HCRTR2: variants seen among roughly 807,000 people sequenced by gnomAD.
HCRTR2 encodes hypocretin receptor 2, also known as orexin receptor type 2.
A neutral mutation model predicts 49.0 loss-of-function variants in HCRTR2; 22 were observed. That is an observed-to-expected ratio of 0.45 (90% CI 0.32 to 0.64). The LOEUF (loss-of-function observed/expected upper bound fraction) is 0.64, where lower values mean the gene tolerates loss of function less well. Ranked by LOEUF, HCRTR2 falls within the 30% of genes least tolerant of loss-of-function variation. HCRTR2 has a pLI of 0.04. For missense variants in HCRTR2, 491 were observed against 559.4 expected, an observed-to-expected ratio of 0.88 and a Z score of 1.23; for synonymous variants, 236 against 205.3, an observed-to-expected ratio of 1.15 and a Z score of -1.28.
intron 1 of HCRTR2, among the ~76,000 whole-genome samples, chr6:55,161,216 C>A (rs1041580923): frequency 2.6e-5 from 4 of 152,118 alleles, no homozygotes; most frequent in African/African-American, 7.2e-5. Context: ...AACTGAACAA[C>A]CTGCTGCTGA....
chr6:55,129,828 C>T (rs1212775926), intron 1 of HCRTR2, among the ~76,000 whole-genome samples: 1 of 151,966 alleles, frequency 6.6e-6, no homozygotes, highest in African/African-American at 2.4e-5. Context: ...TTTCACTTTT[C>T]CTGCAAGATG....
chr6:55,224,531 G>A (rs1048502569), intron 1 of HCRTR2, among the ~76,000 whole-genome samples: 1 of 152,168 alleles, frequency 6.6e-6, no homozygotes, highest in East Asian at 1.9e-4. Flanking sequence ...GCTGAGGCAG[G>A]AGAATGGCGT....
At chr6:55,155,196 T>A (rs1764714894) in intron 1 of HCRTR2, among the ~76,000 whole-genome samples, 2 of 148,676 alleles carry the variant, frequency 1.3e-5, no homozygotes, top group South Asian at 4.2e-4. Context: ...ATACCAATAT[T>A]TTTTTTTTTA....
At chr6:55,172,961 T>C (rs559641052), upstream of HCRTR2, among the ~76,000 whole-genome samples, 3 of 152,174 alleles carry the variant, frequency 2.0e-5, no homozygotes, top group Non-Finnish European at 1.5e-5. Flanking sequence ...TCAAACCATA[T>C]TATTGTTACT....
chr6:55,121,525 T>A (rs139851130), intron 1 of HCRTR2, among the ~76,000 whole-genome samples: 2,676 of 151,644 alleles, frequency 0.018, 82 homozygotes, highest in African/African-American at 0.061. Context: ...AGAGAGGGCA[T>A]CCCTGTCTTG....
At chr6:55,245,491 A>ATC (rs1766421622) in intron 1 of HCRTR2, among the ~76,000 whole-genome samples, 2 of 133,244 alleles carry the variant, frequency 1.5e-5, no homozygotes, top group African/African-American at 2.8e-5. Context: ...ATATATATAT[A>ATC]TATATATATA....
chr6:55,222,251 G>A (rs192169113), intron 1 of HCRTR2, among the ~76,000 whole-genome samples: 91 of 151,134 alleles, frequency 6.0e-4, no homozygotes, highest in Admixed American at 5.7e-3. Flanking sequence ...AACCACATGA[G>A]CTATCATCTT....
intron 1 of HCRTR2, among the ~76,000 whole-genome samples, chr6:55,146,661 A>G (rs930174787): frequency 2.6e-5 from 4 of 151,654 alleles, no homozygotes; most frequent in Non-Finnish European, 5.9e-5. Flanking sequence ...TGTCCAAACT[A>G]ATTTCTCTAC....
At chr6:55,195,931 C>T (rs1385339700) in intron 1 of HCRTR2, among the ~76,000 whole-genome samples, 1 of 152,134 alleles carries the variant, frequency 6.6e-6, no homozygotes, top group South Asian at 2.1e-4. Context: ...GTGATTGCAC[C>T]ACTGCACTCC....
intron 1 of HCRTR2, among the ~76,000 whole-genome samples, chr6:55,203,594 C>T (rs912966778): frequency 6.6e-6 from 1 of 151,996 alleles, no homozygotes. Context: ...TTATGGAGTA[C>T]CTGTTCGGGT....
intron 1 of HCRTR2, among the ~76,000 whole-genome samples, chr6:55,231,810 CT>C (rs758756633): frequency 3.5e-4 from 53 of 152,230 alleles, no homozygotes; most frequent in Non-Finnish European, 6.6e-4. Context: ...CTAGCTGTTT[CT>C]CTATTTTTAA....
intron 1 of HCRTR2, among the ~76,000 whole-genome samples, chr6:55,227,968 G>C (rs567396297): frequency 1.3e-5 from 2 of 152,228 alleles, no homozygotes; most frequent in Non-Finnish European, 2.9e-5. Flanking sequence ...TCCAAGCACT[G>C]GTTATAGTCT....
At chr6:55,261,694 C>T (rs748998019) in intron 3 of HCRTR2, among the ~76,000 whole-genome samples, 4 of 152,008 alleles carry the variant, frequency 2.6e-5, no homozygotes, top group East Asian at 1.9e-4. Context: ...TAAGCTAGTA[C>T]GACAACTATG....
intron 1 of HCRTR2, among the ~76,000 whole-genome samples, chr6:55,238,219 T>C (rs959015734): frequency 3.9e-5 from 6 of 152,154 alleles, no homozygotes; most frequent in Middle Eastern, 3.2e-3. Flanking sequence ...TCAAGCAATA[T>C]ACCTGCTAAT....
intron 1 of HCRTR2, among the ~76,000 whole-genome samples, chr6:55,188,566 G>A (rs77651064): frequency 0.011 from 1,701 of 152,210 alleles, 36 homozygotes; most frequent in African/African-American, 0.039. Context: ...CTGAACCAAC[G>A]CACTGACTTT....
chr6:55,120,729 T>C (rs971959929), intron 1 of HCRTR2, among the ~76,000 whole-genome samples: 15 of 152,082 alleles, frequency 9.9e-5, no homozygotes, highest in Admixed American at 4.6e-4. Context: ...CTCTTTCTAT[T>C]TGAATACCAT....
intron 1 of HCRTR2, among the ~76,000 whole-genome samples, chr6:55,145,633 T>G (rs1764571005): frequency 6.6e-6 from 1 of 152,008 alleles, no homozygotes; most frequent in South Asian, 2.1e-4. Flanking sequence ...GCCAGGATGG[T>G]CTCAATCTCC....
chr6:55,196,220 T>C (rs9475195), intron 1 of HCRTR2, among the ~76,000 whole-genome samples: 58,687 of 151,934 alleles, frequency 0.39, 11,399 homozygotes, highest in Middle Eastern at 0.42. Context: ...TGCCATTTCA[T>C]GTATATGGTG....
intron 1 of HCRTR2, among the ~76,000 whole-genome samples, chr6:55,119,314 G>A (rs1764163257): frequency 6.6e-6 from 1 of 152,032 alleles, no homozygotes; most frequent in Admixed American, 6.6e-5. Flanking sequence ...GGATTGCTGG[G>A]TCAAATGGTA....
Sources: gnomAD v4.1 joint callset for allele counts (sites outside exome capture counted in the v4.1 genomes callset) on GRCh38, gnomAD v4.1.1 for gene constraint, MANE v1.5 for transcripts, NCBI Gene and HGNC (gene_info 2026-07-23, HGNC 2026-07-21) for gene names.